ARHGAP24: variants seen among roughly 807,000 people sequenced by gnomAD.
ARHGAP24 encodes rho GTPase-activating protein 24.
A neutral mutation model predicts 76.4 loss-of-function variants in ARHGAP24; 50 were observed. The ratio of observed to expected loss-of-function variants is 0.65; its 90% CI spans 0.52 to 0.83. The LOEUF is 0.83. Among genes scored for constraint, ARHGAP24 ranks in the 40% least tolerant of loss-of-function variants. The pLI is 0.00. For synonymous variants in ARHGAP24, 345 were observed against 323.3 expected (o/e 1.07, Z -0.72); for missense variants, 930 against 914.2 (o/e 1.02, Z -0.22).
At chr4:85,612,792 C>CTTTTTTTTTTTTTTTTTTTTTTTTT (rs70948739) in intron 2 of ARHGAP24, among the ~76,000 whole-genome samples, 1 of 82,776 alleles carries the variant, frequency 1.2e-5, no homozygotes, top group Non-Finnish European at 2.2e-5. Context: ...CTTTCCATTC[C>CTTTTTTTTTTTTTTTTTTTTTTTTT]TTTTTTTTTT....
chr4:85,480,765 G>A (rs1722784438), intron 1 of ARHGAP24, among the ~76,000 whole-genome samples: 1 of 152,010 alleles, frequency 6.6e-6, no homozygotes, highest in African/African-American at 2.4e-5. Flanking sequence ...TCACATTTTA[G>A]TAACTTTGAA....
rs534663273 is a variant in ARHGAP24, at chr4:85,626,804, T to A, written c.180+56083T>A. Among the ~76,000 whole-genome samples the A allele has an allele frequency of 1.2e-4, 18 of 152,314 alleles. 2 individuals are homozygous for A. The South Asian group carries it at 3.7e-3, about 32-fold the overall frequency. ...TTATTCTTTTTTCTCTAAACTTCTC[T>A]TCTCACTTCATTTCATTCTTTTTGT... On this transcript the variant is annotated intron_variant, in intron 2 of 9. Transcript: ENST00000395184.
intron 3 of ARHGAP24, among the ~76,000 whole-genome samples, chr4:85,781,216 C>A (rs1346497489): frequency 6.6e-6 from 1 of 152,168 alleles, no homozygotes; most frequent in Non-Finnish European, 1.5e-5. Context: ...CTTACAAGTT[C>A]TTTTAAGCTG....
intron 3 of ARHGAP24, among the ~76,000 whole-genome samples, chr4:85,865,451 A>G (rs1458493213): frequency 6.8e-6 from 1 of 147,618 alleles, no homozygotes; most frequent in African/African-American, 2.4e-5. Context: ...TATTATTAAT[A>G]ATAAATAATA....
chr4:85,640,089 C>A (rs1721470271), intron 2 of ARHGAP24, among the ~76,000 whole-genome samples: 1 of 152,036 alleles, frequency 6.6e-6, no homozygotes, highest in Non-Finnish European at 1.5e-5. Context: ...TTTTCAAATA[C>A]AAATAATCCA....
chr4:85,664,835 CT>C (rs1560575592), intron 2 of ARHGAP24, among the ~76,000 whole-genome samples: 1 of 152,144 alleles, frequency 6.6e-6, no homozygotes, highest in Non-Finnish European at 1.5e-5. Context: ...GAGTGAGTTT[CT>C]TAATCCTGAG....
intron 1 of ARHGAP24, among the ~76,000 whole-genome samples, chr4:85,524,719 G>A (rs2110112991): frequency 6.6e-6 from 1 of 152,336 alleles, no homozygotes; most frequent in East Asian, 1.9e-4. Flanking sequence ...CTGGAAGCAG[G>A]AGCAGAGGAT....
Position 85,641,586 on chromosome 4 carries a change from C to T in ARHGAP24, c.180+70865C>T, listed in dbSNP as rs551639706. ...GTGTCCAGATTTCCTCTAGAATCAT[C>T]CTGGATTAGGGCCTACCTTAACCAC... On this transcript the variant is annotated intron_variant, in intron 2 of 9. Transcript: ENST00000395184. Among the ~76,000 whole-genome samples the T allele has an allele frequency of 2.0e-5, 3 of 152,308 alleles. No individual in the cohort carries two copies. The South Asian group carries it at 6.2e-4, about 32-fold the overall frequency.
intron 3 of ARHGAP24, among the ~76,000 whole-genome samples, chr4:85,760,603 G>A (rs536373646): frequency 6.6e-6 from 1 of 152,264 alleles, no homozygotes; most frequent in Non-Finnish European, 1.5e-5. Flanking sequence ...AAAAGTCTGT[G>A]ACACTTACCT....
intron 2 of ARHGAP24, among the ~76,000 whole-genome samples, chr4:85,692,689 A>G (rs1578145056): frequency 6.6e-6 from 1 of 152,206 alleles, no homozygotes; most frequent in African/African-American, 2.4e-5. Flanking sequence ...CTTTCTTAAA[A>G]TGGCTATTTC....
intron 3 of ARHGAP24, among the ~76,000 whole-genome samples, chr4:85,751,220 A>G (rs969587814): frequency 6.6e-6 from 1 of 152,196 alleles, no homozygotes; most frequent in Non-Finnish European, 1.5e-5. Flanking sequence ...ATATCTTTTT[A>G]TATCAGCAAA....
In ARHGAP24 at chr4:85,653,209, C is replaced by A. The variant is rs574546084; in HGVS notation, c.181-68676C>A. Among the ~76,000 whole-genome samples, 5 of 152,082 alleles carry A rather than the reference C, an allele frequency of 3.3e-5. No homozygotes were observed. In the South Asian group the frequency reaches 8.3e-4, roughly 25 times the overall value. ...TTGGGGATCTTCTATTACACAAAAA[C>A]TGAATAAAACCAGAATATATCATTG... On this transcript the variant is annotated intron_variant, in intron 2 of 9. Coordinates refer to ENST00000395184, the MANE Select transcript of ARHGAP24 (RefSeq NM_001025616.3).
intron 3 of ARHGAP24, among the ~76,000 whole-genome samples, chr4:85,844,137 G>A (rs1730745569): frequency 1.3e-5 from 2 of 152,126 alleles, no homozygotes; most frequent in South Asian, 2.1e-4. Flanking sequence ...GTCTTTATTA[G>A]TATTGTTAAT....
intron 2 of ARHGAP24, among the ~76,000 whole-genome samples, chr4:85,717,394 A>G (rs1018898979): frequency 2.0e-5 from 3 of 152,136 alleles, no homozygotes; most frequent in Non-Finnish European, 4.4e-5. Flanking sequence ...GCTTTATGAT[A>G]ACAAACTTTT....
intron 5 of ARHGAP24, among the ~76,000 whole-genome samples, chr4:85,960,994 C>CA (rs1295049651): frequency 1.3e-5 from 2 of 152,052 alleles, no homozygotes; most frequent in Non-Finnish European, 2.9e-5. Flanking sequence ...CAGAATAAAA[C>CA]AAAAAACTTG....
chr4:85,615,903 T>C (rs1720525225), intron 2 of ARHGAP24, among the ~76,000 whole-genome samples: 1 of 152,250 alleles, frequency 6.6e-6, no homozygotes, highest in Admixed American at 6.5e-5. Context: ...TAGAGTATTG[T>C]TTATATTATT....
At chr4:85,839,843 C>T (rs375881198) in intron 3 of ARHGAP24, among the ~76,000 whole-genome samples, 45 of 105,596 alleles carry the variant, frequency 4.3e-4, no homozygotes, top group African/African-American at 9.6e-4. Flanking sequence ...TTTCTGTTTT[C>T]TTTTTTTTTT....
chr4:85,717,437 TTGCGCAAG>T (rs1267250147), intron 2 of ARHGAP24, among the ~76,000 whole-genome samples: 1 of 152,134 alleles, frequency 6.6e-6, no homozygotes, highest in Non-Finnish European at 1.5e-5. Context: ...TCCATCTGCT[TTGCGCAAG>T]AACCTACCCT....
chr4:85,874,831 A>AAATATATTTTATATAAATTATATAT (rs1560688069), intron 3 of ARHGAP24, among the ~76,000 whole-genome samples: 2 of 6,708 alleles, frequency 3.0e-4, no homozygotes, highest in Admixed American at 2.8e-3. Context: ...ATTTATATAT[A>AAATATATTTTATATAAATTATATAT]AAATATATTT....
Sources: allele counts gnomAD v4.1 joint callset (sites outside exome capture counted in the v4.1 genomes callset), GRCh38; gene constraint gnomAD v4.1.1; transcripts MANE v1.5; gene names NCBI Gene and HGNC (gene_info 2026-07-23, HGNC 2026-07-21).